Variants in CCDC18 observed in about 807,000 individuals in gnomAD.
CCDC18 encodes the protein coiled-coil domain containing 18, also known as coiled-coil domain-containing protein 18.
CCDC18 carries 157 observed loss-of-function variants against 196.0 expected under a neutral mutation model. The ratio of observed to expected loss-of-function variants is 0.80; its 90% CI spans 0.70 to 0.91. The LOEUF (loss-of-function observed/expected upper bound fraction) is 0.91. Ranked by LOEUF, CCDC18 falls within the 40% of genes least tolerant of loss-of-function variation. The pLI is 0.00. For synonymous variants in CCDC18, 482 were observed against 529.2 expected, an observed-to-expected ratio of 0.91 and a Z score of 1.22; for missense variants, 1,465 against 1,611.6, an observed-to-expected ratio of 0.91 and a Z score of 1.56.
rs1659385861 is a variant in CCDC18 at position 93,232,476 on chromosome 1, G to A, written c.2343G>A (p.Glu781=). The A allele has an allele frequency of 6.2e-7, 1 of 1,611,692 alleles. No individual in the cohort carries two copies. The highest frequency in any genetic ancestry group is 1.1e-5 in the South Asian group (1 of 90,760). The part of the protein sequence containing the change: ...ELKIKNHSLQ[E]TSEQNVILQH... ...AGATAAAAAATCACAGTCTTCAAGA[G>A]ACTTCTGAGCAAAACGTTATTCTAC... The change falls in exon 18 of 29, where the codon GAG becomes GAA. Residue 781 remains glutamate, a synonymous_variant. Coordinates refer to ENST00000690025, the MANE Select transcript of CCDC18 (RefSeq NM_001378204.1).
intron 9 of CCDC18, among the ~76,000 whole-genome samples, chr1:93,210,486 A>G (rs1655437254): frequency 6.6e-6 from 1 of 152,154 alleles, no homozygotes. Context: ...ATTGTCACAT[A>G]TCGATGCATC....
At chr1:93,230,638 A>G (rs541666527) in intron 17 of CCDC18, among the ~76,000 whole-genome samples, 66 of 152,126 alleles carry the variant, frequency 4.3e-4, no homozygotes, top group African/African-American at 1.5e-3. Context: ...TTGAAATGTC[A>G]GTGACTAGAT....
chr1:93,233,195 C>A (rs560042493), intron 18 of CCDC18, among the ~76,000 whole-genome samples: 159 of 152,168 alleles, frequency 1.0e-3, no homozygotes, highest in Admixed American at 2.8e-3. Context: ...TGGATCAGGA[C>A]ATGGTATGTG....
chr1:93,182,148 A>C (rs1649825543), intron 1 of CCDC18, among the ~76,000 whole-genome samples: 1 of 152,206 alleles, frequency 6.6e-6, no homozygotes, highest in Non-Finnish European at 1.5e-5. Context: ...TTGTGGAAAC[A>C]AAAAAGGGAA....
At chr1:93,246,725 A>G (rs966169602) in intron 22 of CCDC18, 113 bp from the exon 23 acceptor site, 1 of 593,038 alleles carries the variant, frequency 1.7e-6, no homozygotes, top group African/African-American at 2.0e-5. Context: ...TATTAGCTAT[A>G]CTAATGAGTT....
intron 9 of CCDC18, 116 bp from the exon 10 acceptor site, chr1:93,210,686 G>A (rs1331767009): frequency 1.5e-6 from 1 of 648,500 alleles, no homozygotes; most frequent in Non-Finnish European, 2.6e-6. Flanking sequence ...TCCTATTGAT[G>A]GACATTAAGT....
intron 8 of CCDC18, among the ~76,000 whole-genome samples, chr1:93,205,939 T>C (rs1205739570): frequency 1.3e-5 from 2 of 152,134 alleles, no homozygotes; most frequent in African/African-American, 4.8e-5. Context: ...AAAATGTGTA[T>C]AATATCCGAT....
intron 21 of CCDC18, among the ~76,000 whole-genome samples, chr1:93,243,834 A>C (rs1661152803): frequency 6.6e-6 from 1 of 152,188 alleles, no homozygotes; most frequent in Non-Finnish European, 1.5e-5. Flanking sequence ...TTTATTGTCC[A>C]TATTGCTATC....
chr1:93,188,043 C>T (rs1472976726), intron 4 of CCDC18, among the ~76,000 whole-genome samples: 6 of 152,082 alleles, frequency 3.9e-5, no homozygotes, highest in Admixed American at 6.5e-5. Flanking sequence ...TTAATAACTA[C>T]GAACTAATAG....
chr1:93,254,433 T>C (rs752639203), intron 23 of CCDC18, 38 bp from the exon 24 acceptor site: 184 of 1,443,502 alleles, frequency 1.3e-4, no homozygotes, highest in Admixed American at 7.6e-4. Flanking sequence ...TTACATTTCA[T>C]TAATTTTACT....
chr1:93,250,071 G>A (rs1662027706), intron 23 of CCDC18, among the ~76,000 whole-genome samples: 1 of 151,658 alleles, frequency 6.6e-6, no homozygotes, highest in East Asian at 1.9e-4. Context: ...TTCCATAGTG[G>A]TTAGATAATA....
intron 18 of CCDC18, among the ~76,000 whole-genome samples, chr1:93,233,619 A>G (rs933185996): frequency 3.0e-5 from 4 of 133,074 alleles, no homozygotes; most frequent in African/African-American, 1.5e-4. Context: ...TTTTTTTGAG[A>G]CGGAGTTTCA....
chr1:93,247,467 T>C (rs1433784149), intron 23 of CCDC18, among the ~76,000 whole-genome samples: 1 of 152,074 alleles, frequency 6.6e-6, no homozygotes, highest in African/African-American at 2.4e-5. Context: ...TGGGCTGGAG[T>C]GCAGTGTCAT....
rs1264147058 is a variant in CCDC18 at position 93,212,168 on chromosome 1, T to C, written c.1402T>C (p.Ser468Pro). The C allele has an allele frequency of 6.2e-7, 1 of 1,611,488 alleles. No homozygotes were observed. The highest frequency in any genetic ancestry group is 1.1e-5 in the South Asian group (1 of 90,310). The change falls in exon 11 of 29, where the codon TCT becomes CCT. Residue 468 changes from serine to proline, a missense_variant. Coordinates refer to ENST00000690025, the MANE Select transcript of CCDC18 (RefSeq NM_001378204.1). The stretch of plus-strand genomic sequence containing the variant: ...TGCAAACCTGACTGCAAATCAGTTA[T>C]CTCAGAGTCTTATTACTTGTAATGA... ...LHANLTANQL[S>P]QSLITCNDSQ... is the part of the protein sequence containing the mutation.
rs373322065 is a variant in CCDC18 at position 93,232,531 on chromosome 1, T to G, written c.2398T>G (p.Leu800Val). ...QHTLQQQQQM[L>V]QQETIRNGEL... The stretch of plus-strand genomic sequence containing the variant: ...TACTCTTCAGCAACAGCAGCAAATG[T>G]TACAACAAGAGACAATTAGAAATGG... The change falls in exon 18 of 29, where the codon TTA becomes GTA. Residue 800 changes from leucine to valine, a missense_variant. Transcript: ENST00000690025. 3.4e-5 allele frequency: 55 copies of G among 1,613,234 alleles called. No individual in the cohort carries two copies. Among genetic ancestry groups the G allele is most frequent in the Non-Finnish European group, 4.2e-5 (50 of 1,179,470 alleles).
At chr1:93,198,808 CGACTAA>C (rs1244165558) in intron 6 of CCDC18, among the ~76,000 whole-genome samples, 1 of 152,016 alleles carries the variant, frequency 6.6e-6, no homozygotes, top group Non-Finnish European at 1.5e-5. Flanking sequence ...CCACCACACC[CGACTAA>C]TTTTTAAATT....
chr1:93,180,030 G>T (rs202235726), upstream of CCDC18: 65 of 1,604,698 alleles, frequency 4.1e-5, no homozygotes, highest in East Asian at 5.2e-4. Context: ...AAAGGAAGGA[G>T]GCTGGTTTAT....
At position 93,217,847 on chromosome 1, in the gene CCDC18, A is replaced by G; in HGVS notation, c.1940A>G (p.Glu647Gly). ...AAAATTCACTTGGAACAGCATAAAG[A>G]AATGGAAAAGCAGATTGAAAGAGTA... ...AKKIHLEQHK[E>G]MEKQIERLEA... is the part of the protein sequence containing the mutation. The change falls in exon 14 of 29, where the codon GAA becomes GGA. Residue 647 changes from glutamate (E) to glycine (G), a missense_variant. By Grantham distance (98) the Glu-to-Gly change is moderately conservative. Coordinates refer to ENST00000690025, the MANE Select transcript of CCDC18 (RefSeq NM_001378204.1). 1 of 1,611,564 alleles carries G rather than the reference A, an allele frequency of 6.2e-7. No individual in the cohort carries two copies. Among genetic ancestry groups the G allele is most frequent in the Non-Finnish European group, 8.5e-7 (1 of 1,178,460 alleles).
chr1:93,216,386 T>C (rs975016549), intron 12 of CCDC18, among the ~76,000 whole-genome samples: 3 of 152,230 alleles, frequency 2.0e-5, no homozygotes, highest in Non-Finnish European at 4.4e-5. Flanking sequence ...TTTACATAGA[T>C]AGAAGAAGTG....
Sources: allele counts gnomAD v4.1 joint callset (sites outside exome capture counted in the v4.1 genomes callset), GRCh38; gene constraint gnomAD v4.1.1; transcripts MANE v1.5; gene names NCBI Gene and HGNC (gene_info 2026-07-23, HGNC 2026-07-21).